Variants in ZNF14 observed in about 807,000 individuals in gnomAD.
The protein encoded by ZNF14 is zinc finger protein 14, also known as gonadotropin inducible transcription repressor-4.
ZNF14 carries 9 observed loss-of-function variants against 11.3 expected under a neutral mutation model. That is an observed-to-expected ratio of 0.80 (90% CI 0.48 to 1.39). The LOEUF (loss-of-function observed/expected upper bound fraction) is 1.39. ZNF14 is among the 40% of genes most tolerant of loss of function. The pLI is 0.00. For synonymous variants in ZNF14, 239 were observed against 245.7 expected (o/e 0.97, Z 0.25); for missense variants, 711 against 763.9 (o/e 0.93, Z 0.82).
At chr19:19,717,535 G>A (rs2062381249) in intron 1 of ZNF14, among the ~76,000 whole-genome samples, 1 of 152,168 alleles carries the variant, frequency 6.6e-6, no homozygotes, top group Non-Finnish European at 1.5e-5. Context: ...GGGGGCTAGG[G>A]CTGAAAGTTC....
At position 19,724,689 on chromosome 19, in the gene ZNF14, T is replaced by C. The variant is rs2062401986; in HGVS notation, c.3+8267A>G. ...TAATGTTGACAGTGGGGTGTTAAAG[T>C]CTCCCATTATTATTGTGTGGGAGTC... is the stretch of plus-strand genomic sequence containing the variant. On this transcript the variant is annotated intron_variant, in intron 1 of 3. Coordinates refer to ENST00000344099, the MANE Select transcript of ZNF14 (RefSeq NM_021030.3). Among the ~76,000 whole-genome samples, 2 of 133,058 alleles carry C rather than the reference T, an allele frequency of 1.5e-5. 1 individual carries two copies. Among genetic ancestry groups the C allele is most frequent in the Non-Finnish European group, 3.3e-5 (2 of 60,030 alleles). The allele number at this position is 133,058 out of a possible 152,430, so 87.3% of individuals were successfully genotyped here. A position where few individuals can be genotyped will look rare whatever the true frequency, so the allele number is the denominator to read the frequency against.
intron 1 of ZNF14, among the ~76,000 whole-genome samples, chr19:19,714,898 C>CG (rs893909220): frequency 1.3e-5 from 2 of 151,572 alleles, no homozygotes; most frequent in African/African-American, 4.8e-5. Flanking sequence ...TTAGTAGAGA[C>CG]GGGGTTTCAC....
At chr19:19,729,441 G>A (rs868506123) in intron 1 of ZNF14, among the ~76,000 whole-genome samples, 2 of 151,116 alleles carry the variant, frequency 1.3e-5, no homozygotes, top group Admixed American at 6.6e-5. Flanking sequence ...TCAGCCTCCC[G>A]AGTAGCTGGA....
rs552664865 is a variant in ZNF14 at position 19,726,669 on chromosome 19, G to A, written c.3+6287C>T. On this transcript the variant is annotated intron_variant, in intron 1 of 3. Coordinates refer to ENST00000344099, the MANE Select transcript of ZNF14 (RefSeq NM_021030.3). ...TTTCTGCTGCCTTTTGTTCAGCTAT[G>A]CCCTGCCCCCAGAGGTGGAGTCTAC... Among the ~76,000 whole-genome samples, 19 of 133,934 alleles carry A rather than the reference G, an allele frequency of 1.4e-4. 3 individuals carry two copies. In the East Asian group the frequency reaches 4.0e-3, roughly 28 times the overall value. The allele number at this position is 133,934 out of a possible 152,430, so 87.9% of individuals were successfully genotyped here.
At chr19:19,717,534 G>A (rs762529567) in intron 1 of ZNF14, among the ~76,000 whole-genome samples, 6 of 152,106 alleles carry the variant, frequency 3.9e-5, no homozygotes, top group Non-Finnish European at 8.8e-5. Context: ...TGGGGGCTAG[G>A]GCTGAAAGTT....
chr19:19,718,088 C>G lies in ZNF14; in HGVS notation c.4-3601G>C, dbSNP rs1271181782. On this transcript the variant is annotated intron_variant, in intron 1 of 3. Transcript: ENST00000344099. ...GTTTCTTTTTCCCAGTACATCTTGT[C>G]GAGTTTTCAACAAAAATTATACGAA... 2.0e-5 allele frequency among the ~76,000 whole-genome samples: 3 copies of G among 152,048 alleles called. No homozygotes were observed. The East Asian group carries it at 5.8e-4, about 29-fold the overall frequency.
At chr19:19,730,861 G>A (rs1044457393) in intron 1 of ZNF14, among the ~76,000 whole-genome samples, 4 of 152,134 alleles carry the variant, frequency 2.6e-5, no homozygotes, top group African/African-American at 4.8e-5. Flanking sequence ...GCGGTGAGCC[G>A]AGATCACCCC....
Position 19,714,458 on chromosome 19 carries a change from C to T in ZNF14, c.33G>A (p.Val11=). The change falls in exon 2 of 4, where the codon GTG becomes GTA. Residue 11 remains valine (V), a synonymous_variant. Transcript: ENST00000344099. The part of the protein sequence containing the change: MDSVSFEDVA[V]NFTLEEWALL... Reference sequence around the variant, plus strand: ...AAGCCCACTCCTCCAGGGTGAAGTTCACGGCCACATCCTCAAAGGAGACTG... The same window carrying T: ...AAGCCCACTCCTCCAGGGTGAAGTTTACGGCCACATCCTCAAAGGAGACTG... 1 of 1,614,024 alleles carries T rather than the reference C, an allele frequency of 6.2e-7. No homozygotes were observed. The highest frequency in any genetic ancestry group is 8.5e-7 in the Non-Finnish European group (1 of 1,180,010).
chr19:19,711,563 T>C lies in ZNF14; in HGVS notation c.1718A>G (p.Lys573Arg). Residue 573 changes from lysine to arginine, a missense_variant, in exon 4 of 4, where the codon AAA becomes AGA. By Grantham distance (26) the Lys-to-Arg change is conservative (BLOSUM62 2). Transcript: ENST00000344099. ...QCGKAFISSSKFRMHERTHTG... is the reference protein window; with the variant it reads ...QCGKAFISSSRFRMHERTHTG... ...GTGAGTTCTCTCATGCATTCGAAAT[T>C]TACTGGAAGAAATGAAGGCTTTTCC... is the stretch of plus-strand genomic sequence containing the variant. The C allele has an allele frequency of 6.2e-7, 1 of 1,613,424 alleles. No individual in the cohort carries two copies. The highest frequency in any genetic ancestry group is 8.5e-7 in the Non-Finnish European group (1 of 1,179,688).
At chr19:19,730,603 C>T (rs1001290661) in intron 1 of ZNF14, among the ~76,000 whole-genome samples, 9 of 152,186 alleles carry the variant, frequency 5.9e-5, no homozygotes, top group Non-Finnish European at 1.2e-4. Context: ...CTAACTCAGA[C>T]TTGGAATAAC....
intron 3 of ZNF14, 40 bp from the exon 4 acceptor site, chr19:19,713,129 T>A (rs1380804497): frequency 1.3e-6 from 2 of 1,504,200 alleles, no homozygotes; most frequent in Admixed American, 4.7e-5. Context: ...GGCTTTTTAA[T>A]TATTTTGTAT....
Position 19,723,777 on chromosome 19 carries a change from T to G in ZNF14, c.3+9179A>C, listed in dbSNP as rs545013856. On this transcript the variant is annotated intron_variant, in intron 1 of 3. Coordinates refer to ENST00000344099, the MANE Select transcript of ZNF14 (RefSeq NM_021030.3). ...AATTTCAGAGCCTGTTATTGGTCTATTCAGGGATTCAACTTCTTCCTGGTT... is the reference window on the plus strand; with the variant it reads ...AATTTCAGAGCCTGTTATTGGTCTAGTCAGGGATTCAACTTCTTCCTGGTT... 1.3e-4 allele frequency among the ~76,000 whole-genome samples: 17 copies of G among 133,532 alleles called. 4 individuals are homozygous for G. The highest frequency in any genetic ancestry group is 5.9e-4 in the Admixed American group (8 of 13,608). The allele number at this position is 133,532 out of a possible 152,430, so 87.6% of individuals were successfully genotyped here.
chr19:19,714,446 C>G lies in ZNF14; in HGVS notation c.45G>C (p.Leu15=), dbSNP rs778804116. The change falls in exon 2 of 4, where the codon CTG becomes CTC. Residue 15 remains leucine, a synonymous_variant. Transcript: ENST00000344099. ...AAGAATCCAGCAAAGCCCACTCCTC[C>G]AGGGTGAAGTTCACGGCCACATCCT... is the stretch of plus-strand genomic sequence containing the variant. ...SFEDVAVNFT[L]EEWALLDSSQ... The G allele has an allele frequency of 6.2e-7, 1 of 1,614,100 alleles. No homozygotes were observed. The highest frequency in any genetic ancestry group is 1.7e-5 in the Admixed American group (1 of 59,972).
Position 19,714,099 on chromosome 19 carries a change from T to C in ZNF14, c.183A>G (p.Lys61=). 6.2e-7 allele frequency: 1 copy of C among 1,613,306 alleles called. No homozygotes were observed. Among genetic ancestry groups the C allele is most frequent in the Non-Finnish European group, 8.5e-7 (1 of 1,179,622 alleles). The stretch of plus-strand genomic sequence containing the variant: ...CTGTGGATGCAACTCACCTTCGATT[T>C]TTCCCCTGGTTTCTGTGGTCATCTT... ...DIEDDHRNQG[K]NRRCHMVERL... Residue 61 remains lysine (K), a synonymous_variant, in exon 3 of 4, where the codon AAA becomes AAG. Transcript: ENST00000344099.
chr19:19,718,698 A>C (rs2145097750), intron 1 of ZNF14, among the ~76,000 whole-genome samples: 1 of 152,340 alleles, frequency 6.6e-6, no homozygotes. Context: ...TAAAAGACAA[A>C]GAAAAACTTT....
At chr19:19,722,170 C>T (rs1316755375) in intron 1 of ZNF14, among the ~76,000 whole-genome samples, 1 of 152,130 alleles carries the variant, frequency 6.6e-6, no homozygotes, top group African/African-American at 2.4e-5. Flanking sequence ...TTGCCAAGCA[C>T]AGTATCTGAT....
chr19:19,711,642 G>C lies in ZNF14; in HGVS notation c.1639C>G (p.Arg547Gly). 1 of 1,614,094 alleles carries C rather than the reference G, an allele frequency of 6.2e-7. No individual in the cohort carries two copies. The highest frequency in any genetic ancestry group is 1.1e-5 in the South Asian group (1 of 91,078). The stretch of plus-strand genomic sequence containing the variant: ...CCAGTGTGAGTCCTTTCATGCAATC[G>C]AATTTGACTGGAACGAAGGAAGGCC... Reference protein sequence around the residue: ...GKAFLRSSQIRLHERTHTGEK... With the variant: ...GKAFLRSSQIGLHERTHTGEK... Residue 547 changes from arginine (R) to glycine (G), a missense_variant, in exon 4 of 4, where the codon CGA (arginine) becomes GGA (glycine). By Grantham distance (125) the Arg-to-Gly change is moderately radical. Coordinates refer to ENST00000344099, the MANE Select transcript of ZNF14 (RefSeq NM_021030.3).
intron 1 of ZNF14, among the ~76,000 whole-genome samples, chr19:19,731,873 C>T (rs1329523203): frequency 6.6e-6 from 1 of 152,144 alleles, no homozygotes; most frequent in Non-Finnish European, 1.5e-5. Context: ...CGAGACCATC[C>T]TGGCTAACAC....
intron 1 of ZNF14, among the ~76,000 whole-genome samples, chr19:19,731,429 A>G (rs1298675004): frequency 5.3e-5 from 8 of 152,198 alleles, no homozygotes; most frequent in African/African-American, 1.9e-4. Context: ...TAAAAGAATT[A>G]GCCGGGTGTG....
Sources: allele counts gnomAD v4.1 joint callset (sites outside exome capture counted in the v4.1 genomes callset), GRCh38; gene constraint gnomAD v4.1.1; transcripts MANE v1.5; gene names NCBI Gene and HGNC (gene_info 2026-07-23, HGNC 2026-07-21).